PMF1: variants seen among roughly 807,000 people sequenced by gnomAD.
PMF1 encodes polyamine-modulated factor 1.
A neutral mutation model predicts 26.7 loss-of-function variants in PMF1; 21 were observed. The observed-to-expected ratio is 0.79, with a 90% confidence interval of 0.56 to 1.13. The LOEUF (loss-of-function observed/expected upper bound fraction) is 1.13, where lower values mean the gene tolerates loss of function less well. PMF1 is among the 50% of genes most tolerant of loss of function. The probability of loss-of-function intolerance (pLI) is 0.00; values close to 1 mark genes in which losing one functional copy is unlikely to be tolerated. For missense variants in PMF1, 266 were observed against 254.9 expected (o/e 1.04, Z -0.30); for synonymous variants, 105 against 101.0 (o/e 1.04, Z -0.24).
At chr1:156,231,377 A>G (rs2842871) in intron 1 of PMF1, among the ~76,000 whole-genome samples, 34,237 of 150,882 alleles carry the variant, frequency 0.23, 8,049 homozygotes, top group African/African-American at 0.6. Context: ...ACTCCAGCCC[A>G]GGTGATGGAA....
intron 1 of PMF1, among the ~76,000 whole-genome samples, chr1:156,219,146 T>G (rs1657942948): frequency 6.6e-6 from 1 of 151,938 alleles, no homozygotes; most frequent in Non-Finnish European, 1.5e-5. Context: ...CTCAAACTCC[T>G]GACCTCAGGT....
In PMF1 at chr1:156,227,609, G is replaced by A. The variant is rs554096951; in HGVS notation, c.162-4711G>A. ...CCTCCCGGGTTCAAGCGATTCTCATGCCTCAGCCTCCTGAGTAGCTGGGAT... is the reference window on the plus strand; with the variant it reads ...CCTCCCGGGTTCAAGCGATTCTCATACCTCAGCCTCCTGAGTAGCTGGGAT... On this transcript the variant is annotated intron_variant, in intron 1 of 4. Coordinates refer to ENST00000368277, the MANE Select transcript of PMF1 (RefSeq NM_007221.4). Among the ~76,000 whole-genome samples the A allele has an allele frequency of 2.0e-5, 3 of 150,164 alleles. No individual in the cohort carries two copies. In the South Asian group the frequency reaches 6.4e-4, roughly 32 times the overall value.
At chr1:156,214,462 C>T (rs1341742518) in intron 1 of PMF1, among the ~76,000 whole-genome samples, 1 of 152,198 alleles carries the variant, frequency 6.6e-6, no homozygotes, top group Non-Finnish European at 1.5e-5. Flanking sequence ...ACTCATGACT[C>T]ATCAAATATT....
In PMF1 at chr1:156,236,426, G is replaced by T. The variant is rs1240608255; in HGVS notation, c.507G>T (p.Gly169=). The change falls in exon 4 of 5, where the codon GGG becomes GGT. Residue 169 remains glycine (G), a synonymous_variant. Transcript: ENST00000368277. ...AGCTGGCAGATGCCGTCCTGGCAGG[G>T]CGGAGGCAGGTGGAGGAGCTGCAGC... The part of the protein sequence containing the change: ...NQQLADAVLA[G]RRQVEELQLQ... The T allele has an allele frequency of 2.0e-5, 33 of 1,614,016 alleles. No individual in the cohort carries two copies. The highest frequency in any genetic ancestry group is 2.7e-5 in the African/African-American group (2 of 74,932).
intron 1 of PMF1, chr1:156,225,578 C>CG (rs753461602): frequency 2.6e-6 from 4 of 1,556,396 alleles, no homozygotes; most frequent in Non-Finnish European, 3.5e-6. Context: ...TTCATTGGGA[C>CG]GGAAGTGCTG....
rs750744751 is a variant in PMF1, at chr1:156,233,706, A to G, written c.346A>G (p.Lys116Glu). Residue 116 changes from lysine to glutamate, a missense_variant, in exon 3 of 5, where the codon AAA becomes GAA. By Grantham distance (56) the Lys-to-Glu change is moderately conservative. Coordinates refer to ENST00000368277, the MANE Select transcript of PMF1 (RefSeq NM_007221.4). ...CTTGGATAAAATTGTGGAAGAAGGC[A>G]AAGTCCGCAAAGAGCCAGCCTGGTG... ...NALDKIVEEG[K>E]VRKEPAWRPS... 6.2e-7 allele frequency: 1 copy of G among 1,613,998 alleles called. No homozygotes were observed. The highest frequency in any genetic ancestry group is 1.1e-5 in the South Asian group (1 of 91,072).
At chr1:156,228,029 G>C (rs1658471275) in intron 1 of PMF1, among the ~76,000 whole-genome samples, 1 of 151,448 alleles carries the variant, frequency 6.6e-6, no homozygotes, top group East Asian at 1.9e-4. Flanking sequence ...CCGCCTCCCG[G>C]GTTCAAGTGA....
intron 1 of PMF1, among the ~76,000 whole-genome samples, chr1:156,213,473 A>T (rs1055908965): frequency 6.6e-6 from 1 of 152,092 alleles, no homozygotes; most frequent in Non-Finnish European, 1.5e-5. Context: ...AGGGTTTTTT[A>T]TTTTTTTATT....
intron 4 of PMF1, among the ~76,000 whole-genome samples, chr1:156,237,783 G>C (rs1358246045): frequency 1.3e-5 from 2 of 151,872 alleles, no homozygotes; most frequent in African/African-American, 2.4e-5. Context: ...TTTTGAGACA[G>C]TCTTGCTCTG....
At chr1:156,235,886 C>G (rs1053125744) in intron 3 of PMF1, among the ~76,000 whole-genome samples, 4 of 152,220 alleles carry the variant, frequency 2.6e-5, no homozygotes, top group African/African-American at 9.6e-5. Context: ...GAGCCACCCC[C>G]AACCTCTCAA....
At chr1:156,234,549 C>A (rs756052447) in intron 3 of PMF1, among the ~76,000 whole-genome samples, 1 of 151,452 alleles carries the variant, frequency 6.6e-6, no homozygotes, top group Non-Finnish European at 1.5e-5. Context: ...TGCTCTGTTG[C>A]CCAGGTTGGA....
intron 1 of PMF1, among the ~76,000 whole-genome samples, chr1:156,219,109 G>A (rs1348938567): frequency 6.6e-6 from 1 of 151,348 alleles, no homozygotes; most frequent in African/African-American, 2.4e-5. Context: ...GTAGAGACCG[G>A]GGTTTCACCA....
intron 1 of PMF1, among the ~76,000 whole-genome samples, chr1:156,222,143 C>G (rs775474720): frequency 1.3e-5 from 2 of 152,210 alleles, no homozygotes; most frequent in Non-Finnish European, 2.9e-5. Context: ...ATCTCACCAA[C>G]CCCAAGTCAG....
At chr1:156,230,872 CTG>C (rs1658658405) in intron 1 of PMF1, among the ~76,000 whole-genome samples, 3 of 149,508 alleles carry the variant, frequency 2.0e-5, no homozygotes, top group Admixed American at 2.0e-4. Context: ...TGAGACGAGT[CTG>C]GGCAATACAG....
At chr1:156,233,781 CTTTTTT>C in intron 3 of PMF1, 53 bp downstream of exon 3, 3 of 1,260,282 alleles carry the variant, frequency 2.4e-6, no homozygotes, top group Non-Finnish European at 3.3e-6. Context: ...AGCAATTAAG[CTTTTTT>C]TTTTTTTTTC....
intron 2 of PMF1, among the ~76,000 whole-genome samples, chr1:156,233,344 G>A (rs967651009): frequency 4.7e-5 from 7 of 147,888 alleles, no homozygotes; most frequent in African/African-American, 1.8e-4. Flanking sequence ...TTTTAGTAGC[G>A]ACAGGGTTTC....
chr1:156,227,487 T>G (rs1370832131), intron 1 of PMF1, among the ~76,000 whole-genome samples: 4 of 130,320 alleles, frequency 3.1e-5, no homozygotes, highest in Non-Finnish European at 6.9e-5. Context: ...TTTAAAAAAT[T>G]TATTTTATTT....
intron 1 of PMF1, among the ~76,000 whole-genome samples, chr1:156,226,841 A>T (rs1442287395): frequency 6.6e-6 from 1 of 152,190 alleles, no homozygotes; most frequent in East Asian, 1.9e-4. Flanking sequence ...CAGTAAAGTT[A>T]CCCAGTATGC....
intron 1 of PMF1, 116 bp downstream of exon 1, chr1:156,213,292 C>T: frequency 2.1e-6 from 3 of 1,458,148 alleles, no homozygotes; most frequent in Non-Finnish European, 2.8e-6. Flanking sequence ...GGGGGCGGGG[C>T]AGTCGGACGA....
Sources: gnomAD v4.1 joint callset for allele counts (sites outside exome capture counted in the v4.1 genomes callset) on GRCh38, gnomAD v4.1.1 for gene constraint, MANE v1.5 for transcripts, NCBI Gene and HGNC (gene_info 2026-07-23, HGNC 2026-07-21) for gene names.